The following NRXN3 variants were observed in gnomAD, a reference collection of about 807,000 sequenced individuals.
The protein encoded by NRXN3 is neurexin 3.
In NRXN3, 32 loss-of-function variants were observed where a neutral mutation model predicts 137.6. The observed-to-expected ratio is 0.23, with a 90% CI of 0.18 to 0.31. The LOEUF is 0.31. NRXN3 is among the 10% of genes least tolerant of loss of function. NRXN3 has a pLI of 1.00. For synonymous variants in NRXN3, 798 were observed against 784.5 expected (o/e 1.02, Z -0.29); for missense variants, 1,574 against 2,062.5 (o/e 0.76, Z 4.59).
intron 15 of NRXN3, among the ~76,000 whole-genome samples, chr14:79,316,074 G>T (rs2088594368): frequency 6.6e-6 from 1 of 152,218 alleles, no homozygotes; most frequent in Admixed American, 6.5e-5. Flanking sequence ...TTCAGTGCTG[G>T]GACTCCCGAA....
At chr14:78,458,064 ATGAGCAAAT>A (rs2094802292) in intron 4 of NRXN3, among the ~76,000 whole-genome samples, 1 of 152,130 alleles carries the variant, frequency 6.6e-6, no homozygotes, top group Non-Finnish European at 1.5e-5. Flanking sequence ...ACTCTAGAAT[ATGAGCAAAT>A]CTTCAGAGAA....
intron 14 of NRXN3, among the ~76,000 whole-genome samples, chr14:78,971,710 A>G (rs1176189079): frequency 6.6e-6 from 1 of 152,034 alleles, no homozygotes; most frequent in East Asian, 1.9e-4. Flanking sequence ...ATCTCGGCTC[A>G]CTGCAACCTC....
At position 79,018,295 on chromosome 14, in the gene NRXN3, AAG is replaced by A. The variant is rs1319003624; in HGVS notation, c.3262+30163_3262+30164del. Among the ~76,000 whole-genome samples, 37 of 16,038 alleles carry A rather than the reference AAG, an allele frequency of 2.3e-3. 7 individuals carry two copies. The highest frequency in any genetic ancestry group is 8.3e-3 in the Non-Finnish European group (20 of 2,406). 10.5% of individuals were successfully genotyped at this position (16,038 alleles called of 152,430 possible). A position where few individuals can be genotyped will look rare whatever the true frequency, so the allele number is the denominator to read the frequency against. On this transcript the variant is annotated intron_variant, in intron 15 of 20. Coordinates refer to ENST00000335750, the MANE Select transcript of NRXN3 (RefSeq NM_001330195.2). ...AAAAAAAAAAAAAAAAAAAAAAAAA[AAG>A]AGAGAGAGCAAGAAGAGTGAAAGTT...
intron 4 of NRXN3, among the ~76,000 whole-genome samples, chr14:78,406,536 A>G (rs1298306320): frequency 1.3e-5 from 2 of 152,194 alleles, no homozygotes. Context: ...TGGGTAGAAG[A>G]AGGGGAACGA....
intron 4 of NRXN3, among the ~76,000 whole-genome samples, chr14:78,320,677 T>G (rs1488478678): frequency 6.6e-6 from 1 of 152,190 alleles, no homozygotes; most frequent in African/African-American, 2.4e-5. Context: ...GGTGGTCAAC[T>G]GGGAGTTGGG....
At chr14:79,568,429 C>T (rs74068069) in intron 16 of NRXN3, among the ~76,000 whole-genome samples, 2,892 of 152,230 alleles carry the variant, frequency 0.019, 102 homozygotes, top group African/African-American at 0.067. Flanking sequence ...AATGAATTCA[C>T]CTCTCTAAGA....
chr14:79,449,754 C>T (rs374099554), intron 15 of NRXN3, among the ~76,000 whole-genome samples: 430 of 152,240 alleles, frequency 2.8e-3, no homozygotes, highest in African/African-American at 9.6e-3. Flanking sequence ...CTCTGGGAGG[C>T]CGAGGCGGGC....
intron 15 of NRXN3, among the ~76,000 whole-genome samples, chr14:79,296,330 A>G (rs2084109741): frequency 6.6e-6 from 1 of 152,066 alleles, no homozygotes; most frequent in Non-Finnish European, 1.5e-5. Context: ...TTTAGAGGGG[A>G]AGATGTCACA....
chr14:79,309,767 T>A (rs1439149438), intron 15 of NRXN3, among the ~76,000 whole-genome samples: 3 of 149,258 alleles, frequency 2.0e-5, no homozygotes, highest in Non-Finnish European at 4.4e-5. Flanking sequence ...TCACCCACTT[T>A]TTGATGGGGT....
chr14:78,266,539 C>T (rs535720114), intron 2 of NRXN3, among the ~76,000 whole-genome samples: 15 of 152,114 alleles, frequency 9.9e-5, no homozygotes, highest in South Asian at 2.1e-4. Flanking sequence ...CCTCATGATC[C>T]GCCCACCTTG....
intron 15 of NRXN3, among the ~76,000 whole-genome samples, chr14:79,103,832 C>T (rs954984698): frequency 5.3e-5 from 8 of 152,114 alleles, no homozygotes; most frequent in African/African-American, 1.9e-4. Flanking sequence ...CCCAGTTGCC[C>T]GATACCAGAA....
At chr14:78,788,919 C>T (rs2098797297) in intron 8 of NRXN3, among the ~76,000 whole-genome samples, 1 of 152,140 alleles carries the variant, frequency 6.6e-6, no homozygotes, top group Admixed American at 6.5e-5. Context: ...TATATGCTTA[C>T]AGAGACAGCA....
intron 10 of NRXN3, among the ~76,000 whole-genome samples, chr14:78,853,518 C>A (rs1403748590): frequency 1.3e-5 from 2 of 152,012 alleles, no homozygotes; most frequent in African/African-American, 4.8e-5. Context: ...ACAGTAATTT[C>A]TTAATACATA....
At chr14:78,872,390 A>G (rs2099103659) in intron 10 of NRXN3, among the ~76,000 whole-genome samples, 1 of 150,744 alleles carries the variant, frequency 6.6e-6, no homozygotes, top group Non-Finnish European at 1.5e-5. Context: ...GATACAAATC[A>G]TTTCTTTTAT....
intron 15 of NRXN3, among the ~76,000 whole-genome samples, chr14:79,328,065 A>G (rs545440562): frequency 2.0e-5 from 3 of 152,168 alleles, no homozygotes; most frequent in Non-Finnish European, 4.4e-5. Flanking sequence ...TGACTCTACC[A>G]TGGTGCACAT....
intron 4 of NRXN3, among the ~76,000 whole-genome samples, chr14:78,426,046 C>T (rs1386793869): frequency 6.6e-6 from 1 of 152,206 alleles, no homozygotes; most frequent in Non-Finnish European, 1.5e-5. Flanking sequence ...GCAGGCATCA[C>T]CTGCCCTGAG....
intron 16 of NRXN3, among the ~76,000 whole-genome samples, chr14:79,599,601 CAAT>C (rs1017128852): frequency 6.6e-6 from 1 of 152,210 alleles, no homozygotes; most frequent in African/African-American, 2.4e-5. Context: ...TCAACAATAA[CAAT>C]AATAACAACA....
chr14:78,631,690 A>C (rs1019942804), intron 4 of NRXN3, among the ~76,000 whole-genome samples: 1 of 152,176 alleles, frequency 6.6e-6, no homozygotes, highest in Admixed American at 6.5e-5. Flanking sequence ...GCTACCTTGC[A>C]CAATCCCTGA....
intron 15 of NRXN3, among the ~76,000 whole-genome samples, chr14:79,181,589 G>A (rs974563345): frequency 2.0e-5 from 3 of 150,180 alleles, no homozygotes; most frequent in Non-Finnish European, 2.9e-5. Context: ...GCTGAAACAC[G>A]AGAATCGCTT....
Sources: gnomAD v4.1 joint callset for allele counts (sites outside exome capture counted in the v4.1 genomes callset) on GRCh38, gnomAD v4.1.1 for gene constraint, MANE v1.5 for transcripts, NCBI Gene and HGNC (gene_info 2026-07-23, HGNC 2026-07-21) for gene names.